ZBTB4: variants seen among roughly 807,000 people sequenced by gnomAD.
ZBTB4 encodes the protein zinc finger and BTB domain-containing protein 4.
Under a neutral mutation model 59.8 loss-of-function variants are expected in ZBTB4, and 14 were observed. The ratio of observed to expected loss-of-function variants is 0.23; its 90% CI spans 0.15 to 0.37. ZBTB4 has a LOEUF of 0.37. Ranked by LOEUF, ZBTB4 falls within the 10% of genes least tolerant of loss-of-function variation. The pLI is 1.00. For missense variants in ZBTB4, 1,198 were observed against 1,380.8 expected, an observed-to-expected ratio of 0.87 and a Z score of 2.10; for synonymous variants, 587 against 575.2, an observed-to-expected ratio of 1.02 and a Z score of -0.29.
At chr17:7,483,113 T>C (rs979976387), upstream of ZBTB4, 73 of 1,516,010 alleles carry the variant, frequency 4.8e-5, no homozygotes, top group East Asian at 3.6e-4. Flanking sequence ...GGGAGAGGGA[T>C]ACCTCTCAGA....
At chr17:7,470,261 G>A (rs1353097832) in intron 1 of ZBTB4, among the ~76,000 whole-genome samples, 1 of 151,874 alleles carries the variant, frequency 6.6e-6, no homozygotes, top group Non-Finnish European at 1.5e-5. Flanking sequence ...AGCCAGGTGT[G>A]GTGGTGTGCA....
Position 7,462,483 on chromosome 17 carries a change from G to C in ZBTB4, c.2499C>G (p.Gly833=), listed in dbSNP as rs549098841. ...QVSSSSGEAG[G]GSTAAEEASE... ...AAGCTTCCTCAGCAGCAGTGCTCCC[G>C]CCACCTGCCTCACCGCTGGATGAGG... is the stretch of plus-strand genomic sequence containing the variant. Residue 833 remains glycine, a synonymous_variant, in exon 4 of 4, where the codon GGC becomes GGG. Transcript: ENST00000380599. The surrounding 1 kb of genome is among the most constrained non-coding windows in gnomAD (Gnocchi z 7.5). 6.2e-7 allele frequency: 1 copy of C among 1,613,806 alleles called. No individual in the cohort carries two copies. The highest frequency in any genetic ancestry group is 8.5e-7 in the Non-Finnish European group (1 of 1,180,002).
At chr17:7,481,627 AT>A, upstream of ZBTB4, 2 of 777,126 alleles carry the variant, frequency 2.6e-6, no homozygotes, top group South Asian at 4.8e-5. Flanking sequence ...CACAAATAGA[AT>A]TCATAATGGT....
At position 7,466,119 on chromosome 17, in the gene ZBTB4, G is replaced by A; in HGVS notation, c.683C>T (p.Ser228Phe). The change falls in exon 3 of 4, where the codon TCC becomes TTC. Residue 228 changes from serine to phenylalanine, a missense_variant. Coordinates refer to ENST00000380599, the MANE Select transcript of ZBTB4 (RefSeq NM_001128833.2). The surrounding 1 kb of genome is among the most constrained non-coding windows in gnomAD (Gnocchi z 9.1). ...AEAQAPDLQC[S>F]LPRRPLPCPQ... The stretch of plus-strand genomic sequence containing the variant: ...GCAGGGGAGGGGCCGCCGGGGCAGG[G>A]AGCACTGCAAGTCAGGGGCCTGGGC... 1.2e-6 allele frequency: 2 copies of A among 1,609,356 alleles called. No individual in the cohort carries two copies. Among genetic ancestry groups the A allele is most frequent in the Non-Finnish European group, 1.7e-6 (2 of 1,177,484 alleles).
chr17:7,464,463 A>G (rs2150851913), intron 3 of ZBTB4, among the ~76,000 whole-genome samples: 1 of 146,318 alleles, frequency 6.8e-6, no homozygotes, highest in African/African-American at 2.5e-5. Context: ...CCTCAGCTGA[A>G]GGAACTGGGG....
chr17:7,468,053 C>A (rs2070151206), intron 1 of ZBTB4, among the ~76,000 whole-genome samples: 1 of 152,234 alleles, frequency 6.6e-6, no homozygotes, highest in Non-Finnish European at 1.5e-5. Flanking sequence ...TCCTACCTCA[C>A]CTCTTGCTGG....
intron 1 of ZBTB4, among the ~76,000 whole-genome samples, 198 bp from the exon 2 acceptor site, chr17:7,467,525 T>C (rs1313819132): frequency 6.6e-6 from 1 of 152,198 alleles, no homozygotes; most frequent in African/African-American, 2.4e-5. Flanking sequence ...CAGTCAAACC[T>C]GGGAGGTCAC....
chr17:7,477,463 C>T (rs1026384410), intron 1 of ZBTB4, among the ~76,000 whole-genome samples: 3 of 152,200 alleles, frequency 2.0e-5, no homozygotes, highest in African/African-American at 7.2e-5. Context: ...CCTTCCCAGC[C>T]CCCCATGCCG....
At chr17:7,463,929 C>CACTT in intron 3 of ZBTB4, 39 bp from the exon 4 acceptor site, 1 of 1,578,940 alleles carries the variant, frequency 6.3e-7, no homozygotes, top group Non-Finnish European at 8.6e-7. Flanking sequence ...GGAACACAGG[C>CACTT]ACTTGAGTCA....
Position 7,462,956 on chromosome 17 carries a change from CCTTGCGCTTAGG to C in ZBTB4, c.2014_2025del (p.Pro672_Lys675del), listed in dbSNP as rs1567684027. On this transcript the variant is annotated inframe_deletion, in exon 4 of 4. Transcript: ENST00000380599. The surrounding 1 kb of genome is among the most constrained non-coding windows in gnomAD (Gnocchi z 7.5). ...ACACTGGCACCTCCAGCAGCTCCAG[CCTTGCGCTTAGG>C]CTTGTAGGAGTAGTAGGGCCTCCAG... The C allele has an allele frequency of 2.5e-6, 4 of 1,608,434 alleles. No homozygotes were observed. The highest frequency in any genetic ancestry group is 3.4e-6 in the Non-Finnish European group (4 of 1,178,138).
In ZBTB4 at chr17:7,463,623, G is replaced by C. The variant is rs2070069113; in HGVS notation, c.1359C>G (p.Ala453=). 1 of 1,608,182 alleles carries C rather than the reference G, an allele frequency of 6.2e-7. No individual in the cohort carries two copies. The highest frequency in any genetic ancestry group is 1.7e-5 in the Admixed American group (1 of 59,020). ...LNTPAPVAMP[A]SPPPGPPPAP... is the part of the protein sequence containing the mutation. ...CAGGTGGAGGCCCAGGCGGCGGGCT[G>C]GCTGGCATTGCCACAGGGGCCGGTG... The change falls in exon 4 of 4, where the codon GCC becomes GCG. Residue 453 remains alanine, a synonymous_variant. Coordinates refer to ENST00000380599, the MANE Select transcript of ZBTB4 (RefSeq NM_001128833.2).
In ZBTB4 at chr17:7,463,029, A is replaced by G; in HGVS notation, c.1953T>C (p.Asp651=). ...EEEDEEEEEE[D]EEESKAGGED... is the part of the protein sequence containing the mutation. ...CCCCACCAGCCTTTGATTCCTCCTC[A>G]TCCTCCTCCTCCTCCTCTTCGTCCT... Residue 651 remains aspartate, a synonymous_variant, in exon 4 of 4, where the codon GAT becomes GAC. Coordinates refer to ENST00000380599, the MANE Select transcript of ZBTB4 (RefSeq NM_001128833.2). The G allele has an allele frequency of 6.2e-7, 1 of 1,608,708 alleles. No individual in the cohort carries two copies. Among genetic ancestry groups the G allele is most frequent in the Admixed American group, 1.7e-5 (1 of 59,406 alleles).
Position 7,462,212 on chromosome 17 carries a change from G to C in ZBTB4, c.2770C>G (p.Leu924Val). ...GCAAGGAGCTGGGGGCCATAGACGAGCGGGTAGGGCTCAGGGTAGAAAGTG... is the reference window on the plus strand; with the variant it reads ...GCAAGGAGCTGGGGGCCATAGACGACCGGGTAGGGCTCAGGGTAGAAAGTG... ...KVTFYPEPYP[L>V]VYGPQLLAAY... is the part of the protein sequence containing the mutation. Residue 924 changes from leucine (L) to valine (V), a missense_variant, in exon 4 of 4, where the codon CTC (leucine) becomes GTC (valine). By Grantham distance (32) the Leu-to-Val change is conservative (BLOSUM62 1). Around this residue, in one of 9 missense-constraint regions of ZBTB4, gnomAD observed 211 missense variants for 236.1 expected, o/e 0.89. Coordinates refer to ENST00000380599, the MANE Select transcript of ZBTB4 (RefSeq NM_001128833.2). The surrounding 1 kb of genome is among the most constrained non-coding windows in gnomAD (Gnocchi z 7.5). 3.1e-6 allele frequency: 5 copies of C among 1,613,832 alleles called. No individual in the cohort carries two copies. The highest frequency in any genetic ancestry group is 4.2e-6 in the Non-Finnish European group (5 of 1,179,860).
In ZBTB4 at chr17:7,462,843, G is replaced by T; in HGVS notation, c.2139C>A (p.Ala713=). ...ERRSWEETPA[A]ESPAGRARTE... Reference sequence around the variant, plus strand: ...TGCGGGCACGTCCCGCTGGGCTCTCGGCCGCTGGGGTTTCCTCCCAGCTCC... The same window carrying T: ...TGCGGGCACGTCCCGCTGGGCTCTCTGCCGCTGGGGTTTCCTCCCAGCTCC... Residue 713 remains alanine (A), a synonymous_variant, in exon 4 of 4, where the codon GCC becomes GCA. Coordinates refer to ENST00000380599, the MANE Select transcript of ZBTB4 (RefSeq NM_001128833.2). This position sits in a 1 kb window ranked among gnomAD's most constrained non-coding sequence, Gnocchi z 7.5. The T allele has an allele frequency of 6.2e-7, 1 of 1,603,692 alleles. No individual in the cohort carries two copies.
upstream of ZBTB4, chr17:7,484,033 G>T (rs4384652): frequency 0.19 from 25,532 of 131,082 alleles, 2,445 homozygotes; most frequent in East Asian, 0.26. Context: ...TTTTCCAGCT[G>T]GGGGGGGCTA....
In ZBTB4 at chr17:7,466,065, G is replaced by C. The variant is rs1156800755; in HGVS notation, c.737C>G (p.Pro246Arg). Residue 246 changes from proline to arginine, a missense_variant, in exon 3 of 4, where the codon CCC (proline) becomes CGC (arginine). Physicochemically the swap from Pro to Arg is moderately radical, Grantham distance 103. Around this residue, in one of 9 missense-constraint regions of ZBTB4, gnomAD observed 204 missense variants for 205.5 expected, o/e 0.99. Transcript: ENST00000380599. The surrounding 1 kb of genome is among the most constrained non-coding windows in gnomAD (Gnocchi z 9.1). ...GGCCTCATGGGTCTGCAGCCGTTTGGGATGGATGAAGCTTTTTCCACACTG... is the reference window on the plus strand; with the variant it reads ...GGCCTCATGGGTCTGCAGCCGTTTGCGATGGATGAAGCTTTTTCCACACTG... ...CPQCGKSFIH[P>R]KRLQTHEAQC... 6.2e-7 allele frequency: 1 copy of C among 1,607,228 alleles called. No homozygotes were observed. Among genetic ancestry groups the C allele is most frequent in the Non-Finnish European group, 8.5e-7 (1 of 1,176,104 alleles).
upstream of ZBTB4, chr17:7,481,569 T>C: frequency 3.6e-6 from 5 of 1,384,924 alleles, no homozygotes; most frequent in Non-Finnish European, 4.9e-6. Flanking sequence ...AGCTCCTGGT[T>C]GCTCCATTTC....
upstream of ZBTB4, chr17:7,482,918 G>A (rs181565883): frequency 7.2e-5 from 116 of 1,612,054 alleles, no homozygotes; most frequent in East Asian, 2.4e-3. Context: ...TGACATCGTG[G>A]GGGCAGGGGT....
chr17:7,460,036 T>C lies in ZBTB4; in HGVS notation c.*1904A>G, dbSNP rs1046146399. ...TATAATTTGTGTGTAGATATATATA[T>C]ATGTATTCTTTATTACGTATTTTTT... On this transcript the variant is annotated 3_prime_UTR_variant, in exon 4 of 4. Transcript: ENST00000380599. 8.5e-5 allele frequency: 13 copies of C among 152,468 alleles called. No individual in the cohort carries two copies. The highest frequency in any genetic ancestry group is 1.8e-4 in the Non-Finnish European group (12 of 68,000). 9.4% of individuals were successfully genotyped at this position (152,468 alleles called of 1,614,324 possible).
Sources: gnomAD v4.1 joint callset for allele counts (sites outside exome capture counted in the v4.1 genomes callset) on GRCh38, gnomAD v4.1.1 for gene constraint, gnomAD v4.1.1 regional missense constraint, Gnocchi (gnomAD v3.1) non-coding constraint, MANE v1.5 for transcripts, NCBI Gene and HGNC (gene_info 2026-07-23, HGNC 2026-07-21) for gene names.